The following ROBO1 variants were observed in gnomAD, a reference collection of about 807,000 sequenced individuals.
The protein encoded by ROBO1 is roundabout homolog 1.
A neutral mutation model predicts 195.9 loss-of-function variants in ROBO1; 149 were observed. That is an observed-to-expected ratio of 0.76 (90% CI 0.67 to 0.87). The LOEUF (loss-of-function observed/expected upper bound fraction) is 0.87, where lower values mean the gene tolerates loss of function less well. ROBO1 is among the 40% of genes least tolerant of loss of function. The pLI, the probability that ROBO1 is intolerant of heterozygous loss-of-function variation, is 0.00. For missense variants in ROBO1, 1,933 were observed against 2,068.3 expected (o/e 0.93, Z 1.27); for synonymous variants, 816 against 733.2 (o/e 1.11, Z -1.82).
intron 3 of ROBO1, among the ~76,000 whole-genome samples, chr3:79,102,215 A>T (rs533326017): frequency 6.6e-6 from 1 of 151,958 alleles, no homozygotes; most frequent in South Asian, 2.1e-4. Context: ...TTCAGATTCA[A>T]AGGATGTATA....
intron 2 of ROBO1, among the ~76,000 whole-genome samples, chr3:79,460,086 C>A (rs990100577): frequency 6.6e-6 from 1 of 152,090 alleles, no homozygotes; most frequent in Non-Finnish European, 1.5e-5. Flanking sequence ...GACATCAGTT[C>A]CTTTTATAAA....
At chr3:78,864,967 G>T (rs180890697) in intron 4 of ROBO1, among the ~76,000 whole-genome samples, 1 of 152,006 alleles carries the variant, frequency 6.6e-6, no homozygotes, top group Non-Finnish European at 1.5e-5. Flanking sequence ...ACGTTTGATC[G>T]CTACTTTTTT....
At chr3:79,317,959 T>C (rs1475529409) in intron 2 of ROBO1, among the ~76,000 whole-genome samples, 1 of 152,184 alleles carries the variant, frequency 6.6e-6, no homozygotes, top group African/African-American at 2.4e-5. Context: ...AATTGGCTCA[T>C]GTGGGATTAC....
chr3:79,058,516 C>A (rs1032159802), intron 3 of ROBO1, among the ~76,000 whole-genome samples: 1 of 152,018 alleles, frequency 6.6e-6, no homozygotes, highest in Non-Finnish European at 1.5e-5. Flanking sequence ...TGTCTATTGT[C>A]CCCACTACCG....
At chr3:79,190,205 T>C (rs369416743) in intron 2 of ROBO1, among the ~76,000 whole-genome samples, 2 of 151,646 alleles carry the variant, frequency 1.3e-5, no homozygotes, top group Non-Finnish European at 3.0e-5. Context: ...TGATTCCACA[T>C]AGAATTCTAG....
intron 2 of ROBO1, among the ~76,000 whole-genome samples, chr3:79,545,764 C>A (rs1421277552): frequency 6.6e-6 from 1 of 152,086 alleles, no homozygotes; most frequent in Admixed American, 6.6e-5. Flanking sequence ...TGGAGTATCT[C>A]TTTACTTTTA....
At chr3:79,456,056 C>T (rs1043160648) in intron 2 of ROBO1, among the ~76,000 whole-genome samples, 1 of 152,112 alleles carries the variant, frequency 6.6e-6, no homozygotes, top group African/African-American at 2.4e-5. Flanking sequence ...TGTTCATGCT[C>T]AGGCATTACT....
chr3:79,605,878 C>T (rs1044772051), intron 1 of ROBO1, among the ~76,000 whole-genome samples: 5 of 151,860 alleles, frequency 3.3e-5, no homozygotes, highest in African/African-American at 1.2e-4. Context: ...CTCCACTCTT[C>T]AAGAACAACA....
At chr3:79,731,605 AAAC>A (rs994791876) in intron 1 of ROBO1, among the ~76,000 whole-genome samples, 7 of 152,184 alleles carry the variant, frequency 4.6e-5, no homozygotes, top group African/African-American at 1.7e-4. Flanking sequence ...ACAAAACAAA[AAAC>A]AATAAAAAGC....
rs144073855 is a variant in ROBO1, at chr3:79,692,233, T to C, written c.-51+75519A>G. Among the ~76,000 whole-genome samples, 796 of 151,992 alleles carry C rather than the reference T, an allele frequency of 5.2e-3. 3 individuals carry two copies. The highest frequency in any genetic ancestry group is 0.018 in the African/African-American group (758 of 41,522). On this transcript the variant is annotated intron_variant, in intron 1 of 30. Coordinates refer to ENST00000464233, the MANE Select transcript of ROBO1 (RefSeq NM_002941.4). ...ACAAATGCAAAGCAGGAAGTATCCA[T>C]AGGCAAAGCTGGAGAGTTAAGTATA...
rs2107290180 is a variant in ROBO1, at chr3:78,606,851, G to A, written c.4626C>T (p.Asp1542=). Residue 1542 remains aspartate, a synonymous_variant, in exon 29 of 31, where the codon GAC becomes GAT. Transcript: ENST00000464233. ...TGGGATCACCTGGATTTGTTCGCAT[G>A]TCAACAACCTGTCTTCCATCCAACA... ...REVLDGRQVV[D]MRTNPGDPRE... 4 of 1,613,826 alleles carry A rather than the reference G, an allele frequency of 2.5e-6. No homozygotes were observed. The highest frequency in any genetic ancestry group is 3.4e-6 in the Non-Finnish European group (4 of 1,179,870).
intron 3 of ROBO1, among the ~76,000 whole-genome samples, chr3:78,996,690 A>ACACATG (rs2077374665): frequency 6.6e-6 from 1 of 152,098 alleles, no homozygotes; most frequent in African/African-American, 2.4e-5. Context: ...ACACAAACAC[A>ACACATG]CACATGCACA....
At chr3:79,022,734 C>T (rs542260362) in intron 3 of ROBO1, among the ~76,000 whole-genome samples, 5 of 152,262 alleles carry the variant, frequency 3.3e-5, no homozygotes, top group African/African-American at 7.2e-5. Context: ...CTGAATGAAT[C>T]GTGGGTTCTA....
chr3:78,789,078 T>A (rs1466397917), intron 4 of ROBO1, among the ~76,000 whole-genome samples: 1 of 152,156 alleles, frequency 6.6e-6, no homozygotes, highest in African/African-American at 2.4e-5. Context: ...TAAGCCTTCT[T>A]AGTAAGTCTG....
chr3:79,100,221 T>A (rs1198016011), intron 3 of ROBO1, among the ~76,000 whole-genome samples: 2 of 151,730 alleles, frequency 1.3e-5, no homozygotes, highest in Non-Finnish European at 2.9e-5. Context: ...TGGATATAAA[T>A]TAATGTTTAT....
chr3:79,334,132 C>A (rs2034559335), intron 2 of ROBO1, among the ~76,000 whole-genome samples: 1 of 151,386 alleles, frequency 6.6e-6, no homozygotes, highest in Admixed American at 6.6e-5. Flanking sequence ...AGGGTGAACC[C>A]CGTCTCTACT....
chr3:79,454,131 CTT>C (rs11370962), intron 2 of ROBO1, among the ~76,000 whole-genome samples: 21 of 141,902 alleles, frequency 1.5e-4, no homozygotes, highest in African/African-American at 4.4e-4. Flanking sequence ...AATTTCATTC[CTT>C]TTTTTTTTTT....
chr3:78,762,866 A>G (rs1396477686), intron 4 of ROBO1, among the ~76,000 whole-genome samples: 3 of 152,138 alleles, frequency 2.0e-5, no homozygotes, highest in Admixed American at 2.0e-4. Context: ...AAGGCATTTC[A>G]AAACATCATG....
At chr3:79,458,617 G>A (rs11922113) in intron 2 of ROBO1, among the ~76,000 whole-genome samples, 3,401 of 151,662 alleles carry the variant, frequency 0.022, 123 homozygotes, top group African/African-American at 0.077. Context: ...GCAAAAATAC[G>A]AATCTAAGAA....
Sources: gnomAD v4.1 joint callset for allele counts (sites outside exome capture counted in the v4.1 genomes callset) on GRCh38, gnomAD v4.1.1 for gene constraint, MANE v1.5 for transcripts, NCBI Gene and HGNC (gene_info 2026-07-23, HGNC 2026-07-21) for gene names.